Variants in DACH1 observed in about 807,000 individuals in gnomAD.
DACH1 encodes dachshund family transcription factor 1, also known as dachshund homolog 1.
In DACH1, 12 loss-of-function variants were observed where a neutral mutation model predicts 54.2. The ratio of observed to expected loss-of-function variants is 0.22; its 90% CI spans 0.14 to 0.36. The LOEUF is 0.36. DACH1 is among the 10% of genes least tolerant of loss of function. DACH1 has a pLI of 1.00. For missense variants in DACH1, 805 were observed against 929.8 expected, an observed-to-expected ratio of 0.87 and a Z score of 1.75; for synonymous variants, 386 against 366.2, an observed-to-expected ratio of 1.05 and a Z score of -0.62.
chr13:71,855,340 C>T (rs1873933384), intron 1 of DACH1, among the ~76,000 whole-genome samples: 1 of 151,960 alleles, frequency 6.6e-6, no homozygotes, highest in Non-Finnish European at 1.5e-5. Context: ...TGTTGCCTTA[C>T]CATCTATAAG....
chr13:71,547,153 T>C (rs1301613135), intron 6 of DACH1, among the ~76,000 whole-genome samples: 2 of 152,074 alleles, frequency 1.3e-5, no homozygotes, highest in Non-Finnish European at 2.9e-5. Context: ...TTATGAAAAT[T>C]ACAACTCTGG....
At chr13:71,563,030 T>C (rs1211046336) in intron 4 of DACH1, among the ~76,000 whole-genome samples, 1 of 152,068 alleles carries the variant, frequency 6.6e-6, no homozygotes, top group African/African-American at 2.4e-5. Flanking sequence ...AGATATACTC[T>C]TAAAGTCTAA....
intron 1 of DACH1, among the ~76,000 whole-genome samples, chr13:71,774,565 T>A (rs1297437896): frequency 6.6e-6 from 1 of 152,112 alleles, no homozygotes; most frequent in African/African-American, 2.4e-5. Flanking sequence ...AATTTAGTTA[T>A]GATACCAACC....
In DACH1 at chr13:71,475,149, G is replaced by A; in HGVS notation, c.2075C>T (p.Thr692Ile). ...CTTCTGCAAATTCCTACCTTGTATTGTCCTTTCAGCATCTGTTCTGCCGCC... is the reference window on the plus strand; with the variant it reads ...CTTCTGCAAATTCCTACCTTGTATTATCCTTTCAGCATCTGTTCTGCCGCC... The part of the protein sequence containing the change: ...RSGGRTDAER[T>I]IQDGRLYLKT... The change falls in exon 10 of 11, where the codon ACA becomes ATA. Residue 692 changes from threonine (T) to isoleucine (I), a missense_variant. Thr to Ile is a moderately conservative substitution (Grantham distance 89). This residue lies in a region of DACH1 where 472 missense variants were observed against 545.3 expected (regional missense o/e 0.87). Coordinates refer to ENST00000613252, the MANE Select transcript of DACH1 (RefSeq NM_080759.6). 1 of 1,613,762 alleles carries A rather than the reference G, an allele frequency of 6.2e-7. No individual in the cohort carries two copies. Among genetic ancestry groups the A allele is most frequent in the Non-Finnish European group, 8.5e-7 (1 of 1,179,774 alleles).
At chr13:71,774,635 G>C (rs532882622) in intron 1 of DACH1, among the ~76,000 whole-genome samples, 10 of 152,068 alleles carry the variant, frequency 6.6e-5, no homozygotes, top group Non-Finnish European at 1.2e-4. Context: ...GATTTTAAAA[G>C]CTTAGTAACT....
intron 1 of DACH1, among the ~76,000 whole-genome samples, chr13:71,718,606 CT>C (rs1217492653): frequency 6.7e-6 from 1 of 148,460 alleles, no homozygotes; most frequent in Non-Finnish European, 1.5e-5. Context: ...AAATCTCTTT[CT>C]CCCAGATCCT....
chr13:71,807,030 C>T (rs925249484), intron 1 of DACH1, among the ~76,000 whole-genome samples: 2 of 152,124 alleles, frequency 1.3e-5, no homozygotes, highest in Admixed American at 6.5e-5. Flanking sequence ...GCTTCAACTC[C>T]GGGGCATAGG....
intron 10 of DACH1, among the ~76,000 whole-genome samples, chr13:71,470,996 G>A (rs989910918): frequency 1.3e-5 from 2 of 152,150 alleles, no homozygotes; most frequent in African/African-American, 2.4e-5. Context: ...TTGCCACAGC[G>A]GGAGAGTGAG....
rs1025296422 is a variant in DACH1 at position 71,651,291 on chromosome 13, C to A, written c.965-20574G>T. 2.0e-5 allele frequency among the ~76,000 whole-genome samples: 3 copies of A among 151,184 alleles called. No individual in the cohort carries two copies. The South Asian group carries it at 6.2e-4, about 31-fold the overall frequency. ...CTGAGGTCAGTGGATTGCTTGAGCC[C>A]TGGGGATCAAGGTTGCAGTGAGCTG... is the stretch of plus-strand genomic sequence containing the variant. On this transcript the variant is annotated intron_variant, in intron 2 of 10. Transcript: ENST00000613252.
Position 71,468,803 on chromosome 13 carries a change from T to C in DACH1, c.2083+6338A>G, listed in dbSNP as rs150157582. 8.0e-3 allele frequency among the ~76,000 whole-genome samples: 1,221 copies of C among 152,360 alleles called. 8 individuals are homozygous for C. Among genetic ancestry groups the C allele is most frequent in the East Asian group, 0.031 (160 of 5,190 alleles). On this transcript the variant is annotated intron_variant, in intron 10 of 10. Coordinates refer to ENST00000613252, the MANE Select transcript of DACH1 (RefSeq NM_080759.6). ...AAATATGATTACTGTCTTAATTTTT[T>C]CACTGTCACTTTATTTTCTTTGCTT... is the stretch of plus-strand genomic sequence containing the variant.
At chr13:71,778,519 A>G (rs574854803) in intron 1 of DACH1, among the ~76,000 whole-genome samples, 1 of 152,128 alleles carries the variant, frequency 6.6e-6, no homozygotes, top group South Asian at 2.1e-4. Context: ...AATGTCCCCA[A>G]TTTTTGGAGA....
intron 10 of DACH1, among the ~76,000 whole-genome samples, chr13:71,467,244 AAT>A (rs932273880): frequency 3.3e-5 from 5 of 151,162 alleles, no homozygotes; most frequent in Non-Finnish European, 5.9e-5. Flanking sequence ...TACTTTTTAA[AAT>A]ATATTTTTAA....
intron 2 of DACH1, among the ~76,000 whole-genome samples, chr13:71,657,446 G>T (rs1324430649): frequency 6.6e-6 from 1 of 151,866 alleles, no homozygotes; most frequent in African/African-American, 2.4e-5. Flanking sequence ...GCCACACTGA[G>T]CCAGTGATCA....
At chr13:71,623,363 AT>A (rs1280380948) in intron 3 of DACH1, among the ~76,000 whole-genome samples, 6 of 151,674 alleles carry the variant, frequency 4.0e-5, no homozygotes, top group Non-Finnish European at 7.4e-5. Flanking sequence ...TTTAAGCTAT[AT>A]TTTTTAATAT....
intron 6 of DACH1, among the ~76,000 whole-genome samples, chr13:71,507,932 T>C (rs1880463683): frequency 6.6e-6 from 1 of 152,186 alleles, no homozygotes; most frequent in African/African-American, 2.4e-5. Flanking sequence ...ATTCTATAAA[T>C]GTTTACTGGA....
chr13:71,687,623 T>C lies in DACH1; in HGVS notation c.849-5713A>G, dbSNP rs548566204. Reference sequence around the variant, plus strand: ...AAAACATAAAAACAAATTTTTGTTTTTTGACACAAGGTCTCACTCTGTTGC... The same window carrying C: ...AAAACATAAAAACAAATTTTTGTTTCTTGACACAAGGTCTCACTCTGTTGC... On this transcript the variant is annotated intron_variant, in intron 1 of 10. Transcript: ENST00000613252. Among the ~76,000 whole-genome samples the C allele has an allele frequency of 1.1e-4, 17 of 152,332 alleles. No homozygotes were observed. In the South Asian group the frequency reaches 1.2e-3, roughly 11 times the overall value.
At chr13:71,501,820 A>G (rs1210461490) in intron 6 of DACH1, among the ~76,000 whole-genome samples, 1 of 152,194 alleles carries the variant, frequency 6.6e-6, no homozygotes, top group Non-Finnish European at 1.5e-5. Context: ...GTGCAAAGCA[A>G]TGTTTTAAAT....
intron 6 of DACH1, among the ~76,000 whole-genome samples, chr13:71,503,717 G>A (rs1048667680): frequency 6.6e-6 from 1 of 152,110 alleles, no homozygotes; most frequent in African/African-American, 2.4e-5. Context: ...GGTTTGCCAC[G>A]GCAGAGTGTC....
intron 10 of DACH1, among the ~76,000 whole-genome samples, chr13:71,465,186 T>A (rs1329582731): frequency 2.0e-5 from 3 of 152,134 alleles, no homozygotes; most frequent in Admixed American, 2.0e-4. Flanking sequence ...AGAGTTTATA[T>A]GCTTAGAATG....
Sources: allele counts gnomAD v4.1 joint callset (sites outside exome capture counted in the v4.1 genomes callset), GRCh38; gene constraint gnomAD v4.1.1; regional missense constraint gnomAD v4.1.1; transcripts MANE v1.5; gene names NCBI Gene and HGNC (gene_info 2026-07-23, HGNC 2026-07-21).